The following EFCC1 variants were observed in gnomAD, a reference collection of about 807,000 sequenced individuals.
EFCC1 encodes the protein EF-hand and coiled-coil domain containing 1.
EFCC1 carries 50 observed loss-of-function variants against 52.1 expected under a neutral mutation model. The observed-to-expected ratio is 0.96, with a 90% CI of 0.76 to 1.21. EFCC1 has a LOEUF of 1.21. Among genes scored for constraint, EFCC1 ranks in the 50% most tolerant of loss-of-function variants. EFCC1 has a pLI of 0.00. For synonymous variants in EFCC1, 399 were observed against 396.5 expected (o/e 1.01, Z -0.08); for missense variants, 837 against 867.3 (o/e 0.97, Z 0.44).
intron 1 of EFCC1, chr3:129,003,448 C>T (rs1449283815): frequency 3.8e-6 from 1 of 264,512 alleles, no homozygotes; most frequent in Non-Finnish European, 5.8e-6. Flanking sequence ...AACCGCCACC[C>T]GGCAGGCTGA....
At chr3:129,033,054 C>A in intron 4 of EFCC1, 88 bp downstream of exon 4, 2 of 1,421,086 alleles carry the variant, frequency 1.4e-6, no homozygotes, top group Non-Finnish European at 1.8e-6. Context: ...GGCTGGTTAG[C>A]CTGGCTCAGC....
chr3:129,032,858 C>T lies in EFCC1; in HGVS notation c.1178C>T (p.Ala393Val). ...CTGTTCCGCTCCGTGGAGGGCCAGG[C>T]CGCCTCTGACGAGGAGGAGGTGGAG... ...EQLFRSVEGQ[A>V]ASDEEEVEEE... is the part of the protein sequence containing the mutation. The change falls in exon 4 of 8, where the codon GCC (alanine) becomes GTC (valine). Residue 393 changes from alanine to valine, a missense_variant. Coordinates refer to ENST00000683648, the MANE Select transcript of EFCC1 (RefSeq NM_001377500.1). 1 of 1,551,454 alleles carries T rather than the reference C, an allele frequency of 6.4e-7. No homozygotes were observed. The highest frequency in any genetic ancestry group is 8.7e-7 in the Non-Finnish European group (1 of 1,146,920).
intron 6 of EFCC1, 104 bp from the exon 7 acceptor site, chr3:129,038,727 C>G: frequency 8.9e-7 from 1 of 1,129,608 alleles, no homozygotes; most frequent in East Asian, 2.4e-5. Flanking sequence ...CTTTATCTGT[C>G]CCCAGGGAGC....
chr3:129,001,742 C>T lies in EFCC1; in HGVS notation c.114C>T (p.Tyr38=), dbSNP rs1246889168. 2.6e-6 allele frequency: 4 copies of T among 1,537,148 alleles called. No individual in the cohort carries two copies. Among genetic ancestry groups the T allele is most frequent in the Admixed American group, 2.0e-5 (1 of 50,500 alleles). ...TGCTGAGCGCCCTGGCGCACCACTA[C>T]GGGCTGGACCGCGGCGTGGAGAACG... ...QWLLSALAHH[Y]GLDRGVENEI... The change falls in exon 1 of 8, where the codon TAC becomes TAT. Residue 38 remains tyrosine, a synonymous_variant. Transcript: ENST00000683648.
intron 5 of EFCC1, among the ~76,000 whole-genome samples, chr3:129,035,749 A>C (rs537211266): frequency 2.6e-5 from 4 of 152,266 alleles, no homozygotes; most frequent in East Asian, 1.9e-4. Context: ...GCTAACACCA[A>C]GTAGCATGGC....
chr3:129,024,818 T>C (rs1946032233), intron 2 of EFCC1, among the ~76,000 whole-genome samples: 1 of 152,192 alleles, frequency 6.6e-6, no homozygotes, highest in Non-Finnish European at 1.5e-5. Context: ...GGATTAGGTT[T>C]CCAACACGTG....
In EFCC1 at chr3:129,001,649, C is replaced by A. The variant is rs773592981; in HGVS notation, c.21C>A (p.Gly7=). 1.4e-6 allele frequency: 2 copies of A among 1,391,302 alleles called. No homozygotes were observed. The highest frequency in any genetic ancestry group is 1.6e-5 in the South Asian group (1 of 62,918). The allele number at this position is 1,391,302 out of a possible 1,614,324, so 86.2% of individuals were successfully genotyped here. A position where few individuals can be genotyped will look rare whatever the true frequency, so the allele number is the denominator to read the frequency against. Residue 7 remains glycine (G), a synonymous_variant, in exon 1 of 8, where the codon GGC becomes GGA. Coordinates refer to ENST00000683648, the MANE Select transcript of EFCC1 (RefSeq NM_001377500.1). MEPVST[G]AEAGMEGAGG... ...CAGCGATGGAGCCGGTCAGCACGGGCGCGGAGGCCGGCATGGAGGGCGCGG... is the reference window on the plus strand; with the variant it reads ...CAGCGATGGAGCCGGTCAGCACGGGAGCGGAGGCCGGCATGGAGGGCGCGG...
intron 2 of EFCC1, among the ~76,000 whole-genome samples, chr3:129,015,063 C>G (rs1234321090): frequency 4.6e-5 from 7 of 152,192 alleles, no homozygotes; most frequent in Non-Finnish European, 7.3e-5. Context: ...CACACAGCAT[C>G]AGGTTAATCT....
chr3:129,012,181 T>C (rs182319079), intron 2 of EFCC1, among the ~76,000 whole-genome samples: 58 of 152,368 alleles, frequency 3.8e-4, no homozygotes, highest in Admixed American at 3.8e-3. Context: ...CTTAGGAAGC[T>C]TCAGCTCAAC....
At chr3:129,016,018 C>T (rs1945567343) in intron 2 of EFCC1, among the ~76,000 whole-genome samples, 1 of 152,206 alleles carries the variant, frequency 6.6e-6, no homozygotes, top group South Asian at 2.1e-4. Flanking sequence ...CTTGCTGAGT[C>T]ACTGAGCGGC....
chr3:129,011,592 G>A (rs368033190), intron 2 of EFCC1, among the ~76,000 whole-genome samples: 12 of 151,916 alleles, frequency 7.9e-5, no homozygotes, highest in South Asian at 6.2e-4. Context: ...ACTCATTCTT[G>A]TCTATCCAGA....
intron 2 of EFCC1, among the ~76,000 whole-genome samples, chr3:129,026,466 C>G (rs1000245625): frequency 6.6e-6 from 1 of 152,222 alleles, no homozygotes; most frequent in South Asian, 2.1e-4. Context: ...TACCTGCTGA[C>G]ATACCTCCTC....
intron 2 of EFCC1, among the ~76,000 whole-genome samples, chr3:129,007,649 T>G (rs1374766652): frequency 1.3e-5 from 2 of 152,216 alleles, no homozygotes; most frequent in East Asian, 3.9e-4. Flanking sequence ...AAATAGACCC[T>G]TGGGGTTGGG....
In EFCC1 at chr3:129,001,397, G is replaced by A. The variant is rs961852702; in HGVS notation, c.-232G>A. 1.3e-5 allele frequency among the ~76,000 whole-genome samples: 2 copies of A among 152,236 alleles called. No individual in the cohort carries two copies. The highest frequency in any genetic ancestry group is 1.5e-5 in the Non-Finnish European group (1 of 68,044). Reference sequence around the variant, plus strand: ...ACGCCGACCGGGCACTGGTGGCGCTGCCGGGGTCCCGGGGGTTCCTGGACC... The same window carrying A: ...ACGCCGACCGGGCACTGGTGGCGCTACCGGGGTCCCGGGGGTTCCTGGACC... On this transcript the variant is annotated 5_prime_UTR_variant, in exon 1 of 8. Coordinates refer to ENST00000683648, the MANE Select transcript of EFCC1 (RefSeq NM_001377500.1).
At chr3:129,030,673 T>A in intron 2 of EFCC1, 30 bp from the exon 3 acceptor site, 2 of 1,547,928 alleles carry the variant, frequency 1.3e-6, no homozygotes, top group Non-Finnish European at 1.7e-6. Flanking sequence ...ACTCTCCTCC[T>A]CAATGCCTGT....
chr3:129,034,343 A>G lies in EFCC1; in HGVS notation c.1452+14A>G. ...TCTGAGGAGGAGGTCAGCAGAGCCT[A>G]GAGATCAAAGGCTGGAGCAATTCTA... On this transcript the variant is annotated intron_variant, in intron 5 of 7. Transcript: ENST00000683648. 6.2e-7 allele frequency: 1 copy of G among 1,613,054 alleles called. No individual in the cohort carries two copies.
At chr3:129,032,736 G>A (rs1221847176) in intron 3 of EFCC1, 83 bp from the exon 4 acceptor site, 4 of 1,492,064 alleles carry the variant, frequency 2.7e-6, no homozygotes, top group South Asian at 1.3e-5. Context: ...CTCCCCTGGG[G>A]CTGCGCTGCA....
chr3:129,023,145 T>G (rs981626459), intron 2 of EFCC1, among the ~76,000 whole-genome samples: 3 of 152,192 alleles, frequency 2.0e-5, no homozygotes, highest in African/African-American at 7.2e-5. Context: ...GAACAAGTCA[T>G]GAATTGGGCA....
chr3:129,040,205 C>T lies in EFCC1; in HGVS notation c.*357C>T, dbSNP rs1341554292. 4 of 234,444 alleles carry T rather than the reference C, an allele frequency of 1.7e-5. No homozygotes were observed. Among genetic ancestry groups the T allele is most frequent in the Non-Finnish European group, 3.3e-5 (4 of 121,938 alleles). 14.5% of individuals were successfully genotyped at this position (234,444 alleles called of 1,614,324 possible). A position where few individuals can be genotyped will look rare whatever the true frequency, so the allele number is the denominator to read the frequency against. On this transcript the variant is annotated 3_prime_UTR_variant, in exon 8 of 8. Coordinates refer to ENST00000683648, the MANE Select transcript of EFCC1 (RefSeq NM_001377500.1). The surrounding 1 kb of genome is among the most constrained non-coding windows in gnomAD (Gnocchi z 4.4). Reference sequence around the variant, plus strand: ...TGAGTCTGACCCCAAATCTCTTCCCCAGAGTTTCAGGATCTCCTCCCCTCC... The same window carrying T: ...TGAGTCTGACCCCAAATCTCTTCCCTAGAGTTTCAGGATCTCCTCCCCTCC...
Sources: gnomAD v4.1 joint callset for allele counts (sites outside exome capture counted in the v4.1 genomes callset) on GRCh38, gnomAD v4.1.1 for gene constraint, Gnocchi (gnomAD v3.1) non-coding constraint, MANE v1.5 for transcripts, NCBI Gene and HGNC (gene_info 2026-07-23, HGNC 2026-07-21) for gene names.